ATP8B4: variants seen among roughly 807,000 people sequenced by gnomAD.
The protein encoded by ATP8B4 is ATPase phospholipid transporting 8B4 (putative), also known as probable phospholipid-transporting ATPase IM.
In ATP8B4, 133 loss-of-function variants were observed where a neutral mutation model predicts 145.6. That is an observed-to-expected ratio of 0.91 (90% CI 0.79 to 1.05). The LOEUF is 1.05. Among genes scored for constraint, ATP8B4 ranks in the 50% least tolerant of loss-of-function variants. The pLI, the probability that ATP8B4 is intolerant of heterozygous loss-of-function variation, is 0.00. For missense variants in ATP8B4, 1,458 were observed against 1,425.2 expected, an observed-to-expected ratio of 1.02 and a Z score of -0.37; for synonymous variants, 507 against 492.9, an observed-to-expected ratio of 1.03 and a Z score of -0.38.
intron 3 of ATP8B4, among the ~76,000 whole-genome samples, chr15:50,051,770 T>C (rs1259217525): frequency 6.6e-6 from 1 of 152,162 alleles, no homozygotes; most frequent in Non-Finnish European, 1.5e-5. Flanking sequence ...AAAAAGGACA[T>C]ATGCAATGTC....
At chr15:50,054,292 A>G (rs1017299733) in intron 3 of ATP8B4, among the ~76,000 whole-genome samples, 8 of 152,214 alleles carry the variant, frequency 5.3e-5, no homozygotes, top group Non-Finnish European at 1.2e-4. Context: ...CAGAGGAAAA[A>G]GAAGCTCTGA....
chr15:50,022,728 G>T (rs1211032175), intron 6 of ATP8B4, among the ~76,000 whole-genome samples: 1 of 152,184 alleles, frequency 6.6e-6, no homozygotes, highest in Non-Finnish European at 1.5e-5. Flanking sequence ...GGTAAACCTG[G>T]CCTCTGGTGA....
At chr15:49,893,751 C>A (rs193271407) in intron 23 of ATP8B4, among the ~76,000 whole-genome samples, 1 of 152,192 alleles carries the variant, frequency 6.6e-6, no homozygotes, top group Admixed American at 6.5e-5. Context: ...TTAGCACTAC[C>A]GAACTCTACA....
At chr15:49,990,193 G>C (rs1256437246) in intron 9 of ATP8B4, among the ~76,000 whole-genome samples, 1 of 152,234 alleles carries the variant, frequency 6.6e-6, no homozygotes, top group Non-Finnish European at 1.5e-5. Context: ...CAACCAAAAT[G>C]AGAGCCTAGC....
chr15:50,158,847 G>C (rs192132795), intron 1 of ATP8B4, among the ~76,000 whole-genome samples: 1,586 of 152,300 alleles, frequency 0.01, 27 homozygotes, highest in African/African-American at 0.036. Flanking sequence ...TGCCCACTCA[G>C]GGTTAAATGG....
chr15:50,129,946 C>CAAAAA (rs59921497), intron 1 of ATP8B4, among the ~76,000 whole-genome samples: 4 of 88,116 alleles, frequency 4.5e-5, no homozygotes, highest in Non-Finnish European at 8.8e-5. Flanking sequence ...GACTCTGACT[C>CAAAAA]AAAAAAAAAA....
intron 14 of ATP8B4, among the ~76,000 whole-genome samples, chr15:49,950,129 G>A (rs1413541578): frequency 6.6e-5 from 10 of 151,994 alleles, no homozygotes; most frequent in Non-Finnish European, 1.3e-4. Flanking sequence ...TTCTTTTTTT[G>A]TTGTGTCTCT....
Position 49,901,236 on chromosome 15 carries a change from T to C in ATP8B4, c.2145A>G (p.Lys715=), listed in dbSNP as rs1182691781. The C allele has an allele frequency of 1.9e-6, 3 of 1,613,082 alleles. No individual in the cohort carries two copies. The highest frequency in any genetic ancestry group is 1.3e-5 in the African/African-American group (1 of 75,000). ...NAVEVREELR[K]AKQNLFGQNR... ...TTTGTCCAAACAAATTTTGTTTTGCTTTCCTTAAAGGAGAGGGTGAAAAGT... is the reference window on the plus strand; with the variant it reads ...TTTGTCCAAACAAATTTTGTTTTGCCTTCCTTAAAGGAGAGGGTGAAAAGT... The change falls in exon 21 of 28, where the codon AAA becomes AAG. Residue 715 remains lysine (K), a synonymous_variant. Transcript: ENST00000284509.
chr15:50,118,775 A>T (rs1440055269), intron 1 of ATP8B4, among the ~76,000 whole-genome samples: 1 of 152,238 alleles, frequency 6.6e-6, no homozygotes. Context: ...CGTGAAAAAA[A>T]TAAAACCAAC....
rs546902445 is a variant in ATP8B4, at chr15:49,943,280, G to A, written c.1288-9098C>T. On this transcript the variant is annotated intron_variant, in intron 14 of 27. Coordinates refer to ENST00000284509, the MANE Select transcript of ATP8B4 (RefSeq NM_024837.4). The stretch of plus-strand genomic sequence containing the variant: ...ATTATGAGAGTTTGAGGACAAGAGA[G>A]ATGGAAAGGACCAGAAAGCTTATTT... 5.3e-5 allele frequency among the ~76,000 whole-genome samples: 8 copies of A among 152,162 alleles called. No homozygotes were observed. The South Asian group carries it at 1.7e-3, about 32-fold the overall frequency.
intron 1 of ATP8B4, among the ~76,000 whole-genome samples, chr15:50,150,826 T>C (rs1489092595): frequency 6.6e-6 from 1 of 152,216 alleles, no homozygotes; most frequent in East Asian, 1.9e-4. Flanking sequence ...GCATAATGGT[T>C]TTGAGACATG....
intron 14 of ATP8B4, among the ~76,000 whole-genome samples, chr15:49,947,435 C>CT (rs1298314932): frequency 1.3e-5 from 1 of 76,178 alleles, no homozygotes; most frequent in African/African-American, 5.5e-5. Context: ...GAGACTCTGT[C>CT]TCAAAAAAAA....
chr15:50,147,024 T>C (rs1277642282), intron 1 of ATP8B4, among the ~76,000 whole-genome samples: 1 of 152,030 alleles, frequency 6.6e-6, no homozygotes, highest in African/African-American at 2.4e-5. Flanking sequence ...GGGTTGTTTT[T>C]TGTTTTTTAA....
At chr15:50,145,083 T>C (rs1333961985) in intron 1 of ATP8B4, among the ~76,000 whole-genome samples, 1 of 152,252 alleles carries the variant, frequency 6.6e-6, no homozygotes, top group African/African-American at 2.4e-5. Flanking sequence ...ATCCCAGCTA[T>C]ATGTACCACA....
In ATP8B4 at chr15:49,943,212, C is replaced by T. The variant is rs141673069; in HGVS notation, c.1288-9030G>A. On this transcript the variant is annotated intron_variant, in intron 14 of 27. Coordinates refer to ENST00000284509, the MANE Select transcript of ATP8B4 (RefSeq NM_024837.4). ...AAAAGAATGAAAAAGGTGAAAAAAT[C>T]TTTATGGACTCATAGGCCACCATTA... Among the ~76,000 whole-genome samples the T allele has an allele frequency of 1.0e-3, 152 of 152,060 alleles. 3 individuals carry two copies. In the East Asian group the frequency reaches 0.027, roughly 27 times the overall value.
intron 12 of ATP8B4, among the ~76,000 whole-genome samples, chr15:49,978,739 T>TACACACAC (rs60436585): frequency 0.039 from 4,836 of 122,726 alleles, 160 homozygotes; most frequent in East Asian, 0.08. Flanking sequence ...CTTTATCAAA[T>TACACACAC]ACACACACAC....
chr15:50,136,887 A>G (rs1166708054), intron 1 of ATP8B4, among the ~76,000 whole-genome samples: 1 of 152,202 alleles, frequency 6.6e-6, no homozygotes, highest in East Asian at 1.9e-4. Flanking sequence ...ATCCAATAAA[A>G]TAATGTGCTG....
chr15:50,165,604 C>T (rs1053063180), intron 1 of ATP8B4, among the ~76,000 whole-genome samples: 1 of 151,720 alleles, frequency 6.6e-6, no homozygotes, highest in African/African-American at 2.4e-5. Flanking sequence ...GATGAGGAAA[C>T]ATCAACAGAG....
At chr15:49,981,853 A>C (rs991472746) in intron 10 of ATP8B4, among the ~76,000 whole-genome samples, 1 of 152,186 alleles carries the variant, frequency 6.6e-6, no homozygotes, top group African/African-American at 2.4e-5. Context: ...TTGTAAAGAC[A>C]AGAACTGTCT....
Sources: gnomAD v4.1 joint callset for allele counts (sites outside exome capture counted in the v4.1 genomes callset) on GRCh38, gnomAD v4.1.1 for gene constraint, MANE v1.5 for transcripts, NCBI Gene and HGNC (gene_info 2026-07-23, HGNC 2026-07-21) for gene names.